The following MGMT variants were observed in gnomAD, a reference collection of about 807,000 sequenced individuals.
MGMT encodes the protein O-6-methylguanine-DNA methyltransferase.
MGMT carries 14 observed loss-of-function variants against 15.9 expected under a neutral mutation model. The observed-to-expected ratio is 0.88, with a 90% confidence interval of 0.58 to 1.37. The LOEUF (loss-of-function observed/expected upper bound fraction) is 1.37, where lower values mean the gene tolerates loss of function less well. Among genes scored for constraint, MGMT ranks in the 40% most tolerant of loss-of-function variants. The pLI, the probability that MGMT is intolerant of heterozygous loss-of-function variation, is 0.00. For synonymous variants in MGMT, 130 were observed against 118.2 expected, an observed-to-expected ratio of 1.10 and a Z score of -0.65; for missense variants, 282 against 268.1, an observed-to-expected ratio of 1.05 and a Z score of -0.36.
At chr10:129,623,628 A>G (rs1039597178) in intron 2 of MGMT, among the ~76,000 whole-genome samples, 1 of 152,264 alleles carries the variant, frequency 6.6e-6, no homozygotes, top group Middle Eastern at 3.4e-3. Flanking sequence ...TGTAGCCTCA[A>G]GTGATCCCTC....
intron 3 of MGMT, among the ~76,000 whole-genome samples, chr10:129,750,283 A>T (rs1181590983): frequency 6.6e-6 from 1 of 152,094 alleles, no homozygotes; most frequent in African/African-American, 2.4e-5. Flanking sequence ...TTCATTTTTG[A>T]GAAAGGTATA....
At chr10:129,572,549 T>C (rs1436072775) in intron 2 of MGMT, among the ~76,000 whole-genome samples, 3 of 152,228 alleles carry the variant, frequency 2.0e-5, no homozygotes, top group African/African-American at 4.8e-5. Flanking sequence ...TTGATATCTT[T>C]CCAGATTTTC....
intron 2 of MGMT, among the ~76,000 whole-genome samples, chr10:129,680,738 C>T (rs765100043): frequency 6.6e-6 from 1 of 152,228 alleles, no homozygotes; most frequent in Non-Finnish European, 1.5e-5. Flanking sequence ...GGAAGCCTTC[C>T]CTGACCCTCC....
At chr10:129,673,146 C>T (rs945761978) in intron 2 of MGMT, among the ~76,000 whole-genome samples, 2 of 152,162 alleles carry the variant, frequency 1.3e-5, no homozygotes, top group African/African-American at 4.8e-5. Flanking sequence ...GCAGTCACCT[C>T]GCAGGAATGG....
intron 2 of MGMT, among the ~76,000 whole-genome samples, chr10:129,611,854 C>T (rs895878519): frequency 6.6e-6 from 1 of 152,158 alleles, no homozygotes; most frequent in Non-Finnish European, 1.5e-5. Flanking sequence ...TGAAACAAGG[C>T]CTGGGCAAGT....
At chr10:129,543,038 A>G (rs1846061035) in intron 2 of MGMT, among the ~76,000 whole-genome samples, 1 of 152,202 alleles carries the variant, frequency 6.6e-6, no homozygotes, top group Non-Finnish European at 1.5e-5. Context: ...GGCTAAAAAG[A>G]CAAGACAGGA....
chr10:129,749,004 A>T (rs1217872635), intron 3 of MGMT, among the ~76,000 whole-genome samples: 1 of 152,130 alleles, frequency 6.6e-6, no homozygotes, highest in African/African-American at 2.4e-5. Flanking sequence ...ACTCACTTTC[A>T]AGTTACTTTT....
chr10:129,721,646 G>C (rs1292053604), intron 3 of MGMT, among the ~76,000 whole-genome samples: 1 of 152,162 alleles, frequency 6.6e-6, no homozygotes, highest in Non-Finnish European at 1.5e-5. Flanking sequence ...TGGGGAAATG[G>C]AAATACATTG....
At chr10:129,699,797 T>C (rs1052317653) in intron 2 of MGMT, among the ~76,000 whole-genome samples, 18 of 152,294 alleles carry the variant, frequency 1.2e-4, no homozygotes, top group African/African-American at 4.1e-4. Flanking sequence ...ACTTCTGCGC[T>C]AGGAATGGGC....
chr10:129,716,124 A>G (rs2133149828), intron 3 of MGMT, among the ~76,000 whole-genome samples: 2 of 152,334 alleles, frequency 1.3e-5, no homozygotes, highest in Middle Eastern at 6.8e-3. Context: ...CCAAAGAAGT[A>G]AATTGAAGAA....
At chr10:129,537,020 A>T (rs74160215) in intron 2 of MGMT, 3 of 152,136 alleles carry the variant, frequency 2.0e-5, no homozygotes, top group Non-Finnish European at 2.9e-5. Flanking sequence ...AGCTCCCACT[A>T]TATTTCTCTA....
intron 1 of MGMT, among the ~76,000 whole-genome samples, chr10:129,475,977 C>T (rs905942865): frequency 1.3e-5 from 2 of 152,152 alleles, no homozygotes; most frequent in African/African-American, 4.8e-5. Context: ...TGCCAGGAGG[C>T]AGGACTTTCT....
intron 1 of MGMT, among the ~76,000 whole-genome samples, chr10:129,487,980 T>C (rs372794810): frequency 2.5e-4 from 34 of 136,274 alleles, no homozygotes; most frequent in Non-Finnish European, 4.7e-4. Context: ...TACGCAGGTA[T>C]ACACACACAC....
At chr10:129,649,015 A>G (rs966740879) in intron 2 of MGMT, among the ~76,000 whole-genome samples, 4 of 152,162 alleles carry the variant, frequency 2.6e-5, no homozygotes, top group Non-Finnish European at 5.9e-5. Flanking sequence ...TTCCATCCTG[A>G]TGGCTCTCCT....
intron 2 of MGMT, among the ~76,000 whole-genome samples, chr10:129,550,557 G>A (rs1384128384): frequency 1.3e-5 from 2 of 151,070 alleles, no homozygotes; most frequent in African/African-American, 4.9e-5. Context: ...AGTGATTCTC[G>A]CGCCTCAGCC....
intron 2 of MGMT, among the ~76,000 whole-genome samples, chr10:129,610,298 C>G (rs1424003827): frequency 1.3e-5 from 2 of 152,224 alleles, no homozygotes; most frequent in South Asian, 2.1e-4. Context: ...AATAGCCTGT[C>G]AGGCCCATGT....
intron 1 of MGMT, among the ~76,000 whole-genome samples, chr10:129,517,086 C>T (rs944431612): frequency 1.1e-4 from 16 of 152,220 alleles, no homozygotes; most frequent in African/African-American, 3.6e-4. Context: ...CCAGGTAAGA[C>T]TGGCCATGTG....
At chr10:129,610,934 G>C (rs1010714524) in intron 2 of MGMT, among the ~76,000 whole-genome samples, 1 of 152,182 alleles carries the variant, frequency 6.6e-6, no homozygotes, top group Non-Finnish European at 1.5e-5. Context: ...TGAGATACTT[G>C]AATGAATAAA....
chr10:129,579,606 T>C (rs543921398), intron 2 of MGMT, among the ~76,000 whole-genome samples: 176 of 152,372 alleles, frequency 1.2e-3, no homozygotes, highest in African/African-American at 3.9e-3. Context: ...CGCTGTTATC[T>C]CAGCTGAGTG....
Sources: gnomAD v4.1 joint callset for allele counts (sites outside exome capture counted in the v4.1 genomes callset) on GRCh38, gnomAD v4.1.1 for gene constraint, MANE v1.5 for transcripts, NCBI Gene and HGNC (gene_info 2026-07-23, HGNC 2026-07-21) for gene names.